The following CAPZB variants were observed in gnomAD, a reference collection of about 807,000 sequenced individuals.
CAPZB encodes F-actin-capping protein subunit beta.
CAPZB carries 2 observed loss-of-function variants against 38.1 expected under a neutral mutation model. That is an observed-to-expected ratio of 0.05 (90% confidence interval 0.02 to 0.17). The LOEUF (loss-of-function observed/expected upper bound fraction) is 0.17. CAPZB is among the 10% of genes least tolerant of loss of function. CAPZB has a pLI of 1.00. For synonymous variants in CAPZB, 107 were observed against 127.4 expected (o/e 0.84, Z 1.08); for missense variants, 161 against 334.2 (o/e 0.48, Z 4.04).
In CAPZB at chr1:19,380,061, C is replaced by T. The variant is rs191778815; in HGVS notation, c.216-1408G>A. On this transcript the variant is annotated intron_variant, in intron 3 of 8. Transcript: ENST00000264202. Reference sequence around the variant, plus strand: ...AACCCCAGTTTTAAAGAATTCTGCACGCAGACATCTTTCTTCTTGGTAAGT... The same window carrying T: ...AACCCCAGTTTTAAAGAATTCTGCATGCAGACATCTTTCTTCTTGGTAAGT... Among the ~76,000 whole-genome samples the T allele has an allele frequency of 1.1e-3, 175 of 152,320 alleles. 1 individual carries two copies. Among genetic ancestry groups the T allele is most frequent in the Middle Eastern group, 3.4e-3 (1 of 294 alleles).
intron 2 of CAPZB, among the ~76,000 whole-genome samples, chr1:19,397,922 C>T (rs1357734071): frequency 6.6e-6 from 1 of 152,132 alleles, no homozygotes; most frequent in East Asian, 1.9e-4. Flanking sequence ...ATCTGGGGGG[C>T]TCATGATCGC....
intron 1 of CAPZB, among the ~76,000 whole-genome samples, chr1:19,421,200 C>T (rs2094399846): frequency 6.6e-6 from 1 of 152,196 alleles, no homozygotes; most frequent in African/African-American, 2.4e-5. Flanking sequence ...CCTCAAAATG[C>T]CACATTTGGC....
At chr1:19,352,665 A>G (rs924060333) in intron 6 of CAPZB, among the ~76,000 whole-genome samples, 4 of 152,242 alleles carry the variant, frequency 2.6e-5, no homozygotes, top group African/African-American at 9.6e-5. Context: ...GCAGGAAGGT[A>G]TGATCCGGCC....
chr1:19,348,963 G>A (rs1225466742), intron 6 of CAPZB, among the ~76,000 whole-genome samples: 1 of 152,142 alleles, frequency 6.6e-6, no homozygotes, highest in African/African-American at 2.4e-5. Context: ...TCATCCTGAG[G>A]AATCTCGACC....
In CAPZB at chr1:19,343,896, G is replaced by A. The variant is rs192905590; in HGVS notation, c.731+462C>T. 1.1e-4 allele frequency among the ~76,000 whole-genome samples: 16 copies of A among 152,320 alleles called. No homozygotes were observed. The East Asian group carries it at 1.7e-3, about 17-fold the overall frequency. Reference sequence around the variant, plus strand: ...GCTGAGGGCCCTGCCTGCATGTGGCGTCAGGGAGGCTGGGGGCCTGAGAAG... The same window carrying A: ...GCTGAGGGCCCTGCCTGCATGTGGCATCAGGGAGGCTGGGGGCCTGAGAAG... On this transcript the variant is annotated intron_variant, in intron 8 of 8. Coordinates refer to ENST00000264202, the MANE Select transcript of CAPZB (RefSeq NM_004930.5).
intron 4 of CAPZB, among the ~76,000 whole-genome samples, chr1:19,373,978 C>T (rs917244292): frequency 6.6e-6 from 1 of 152,174 alleles, no homozygotes; most frequent in East Asian, 1.9e-4. Flanking sequence ...TCTTTTCAAG[C>T]AGGGCCTCAA....
intron 2 of CAPZB, among the ~76,000 whole-genome samples, chr1:19,395,625 T>C (rs1357932932): frequency 6.6e-6 from 1 of 152,216 alleles, no homozygotes; most frequent in African/African-American, 2.4e-5. Context: ...AGGCTCCTGT[T>C]GTCCACATGT....
chr1:19,481,199 A>G (rs1351774764), intron 1 of CAPZB, among the ~76,000 whole-genome samples: 1 of 152,212 alleles, frequency 6.6e-6, no homozygotes, highest in Non-Finnish European at 1.5e-5. Flanking sequence ...CTGGTGCTCC[A>G]TAACCATTAA....
At chr1:19,350,095 GC>G in intron 6 of CAPZB, among the ~76,000 whole-genome samples, 1 of 152,360 alleles carries the variant, frequency 6.6e-6, no homozygotes, top group Non-Finnish European at 1.5e-5. Flanking sequence ...CCTCCCCATG[GC>G]CCTAACACAG....
rs1357712344 is a variant in CAPZB at position 19,466,332 on chromosome 1, TG to T, written c.3+19103del. ...TTTGCACTAGACCAGGCTGCTTCCT[TG>T]GCTAATAAACAGTGAGAGCTGAAAC... On this transcript the variant is annotated intron_variant, in intron 1 of 8. Transcript: ENST00000264202. Among the ~76,000 whole-genome samples, 4 of 152,220 alleles carry T rather than the reference TG, an allele frequency of 2.6e-5. No individual in the cohort carries two copies. The South Asian group carries it at 8.3e-4, about 31-fold the overall frequency.
At chr1:19,363,151 C>T (rs1051011817) in intron 4 of CAPZB, among the ~76,000 whole-genome samples, 26 of 151,448 alleles carry the variant, frequency 1.7e-4, no homozygotes, top group African/African-American at 5.3e-4. Flanking sequence ...GTGCGATCAC[C>T]GCTCACTGCA....
chr1:19,471,567 C>G (rs952936685), intron 1 of CAPZB, among the ~76,000 whole-genome samples: 4 of 151,298 alleles, frequency 2.6e-5, no homozygotes, highest in African/African-American at 9.7e-5. Flanking sequence ...TCTGTTACGT[C>G]GAGAAATGCT....
In CAPZB at chr1:19,342,914, G is replaced by A. The variant is rs552451716; in HGVS notation, c.731+1444C>T. 3.0e-5 allele frequency: 34 copies of A among 1,144,292 alleles called. No homozygotes were observed. In the East Asian group the frequency reaches 6.1e-4, roughly 20 times the overall value. 70.9% of individuals were successfully genotyped at this position (1,144,292 alleles called of 1,614,324 possible). A position where few individuals can be genotyped will look rare whatever the true frequency, so the allele number is the denominator to read the frequency against. On this transcript the variant is annotated intron_variant, in intron 8 of 8. Transcript: ENST00000264202. ...GGAGTGGGAGGGAAGAGAACGACGAGAAGCCAGGAACGCAGGGGGCCACAG... is the reference window on the plus strand; with the variant it reads ...GGAGTGGGAGGGAAGAGAACGACGAAAAGCCAGGAACGCAGGGGGCCACAG...
At chr1:19,432,479 CA>C (rs746234782) in intron 1 of CAPZB, among the ~76,000 whole-genome samples, 31 of 152,138 alleles carry the variant, frequency 2.0e-4, no homozygotes, top group Non-Finnish European at 4.0e-4. Context: ...ATATATTGTC[CA>C]GATAATTTTA....
chr1:19,474,655 G>A (rs2094600804), intron 1 of CAPZB, among the ~76,000 whole-genome samples: 1 of 152,186 alleles, frequency 6.6e-6, no homozygotes, highest in East Asian at 1.9e-4. Flanking sequence ...AAACGGGTTA[G>A]TAGAAGCTGA....
At chr1:19,430,708 G>A (rs1031549200) in intron 1 of CAPZB, among the ~76,000 whole-genome samples, 2 of 152,212 alleles carry the variant, frequency 1.3e-5, no homozygotes, top group Admixed American at 6.5e-5. Context: ...GCTGGCGGCC[G>A]CCCACCCGCA....
chr1:19,469,491 T>C (rs2094579218), intron 1 of CAPZB, among the ~76,000 whole-genome samples: 1 of 152,122 alleles, frequency 6.6e-6, no homozygotes, highest in Non-Finnish European at 1.5e-5. Context: ...GAACACATTT[T>C]TGCAGGAAGG....
rs1236248353 is a variant in CAPZB at position 19,356,380 on chromosome 1, G to C, written c.588+255C>G. ...GAAGCATGGGGATGTGCGGGGCCCT[G>C]AGGGGTAAGGAGGAGCCACAGCCAG... On this transcript the variant is annotated intron_variant, in intron 6 of 8. Coordinates refer to ENST00000264202, the MANE Select transcript of CAPZB (RefSeq NM_004930.5). The surrounding 1 kb of genome is among the most constrained non-coding windows in gnomAD (Gnocchi z 4.3). Among the ~76,000 whole-genome samples, 1 of 152,218 alleles carries C rather than the reference G, an allele frequency of 6.6e-6. No homozygotes were observed. Among genetic ancestry groups the C allele is most frequent in the Non-Finnish European group, 1.5e-5 (1 of 68,042 alleles).
intron 1 of CAPZB, among the ~76,000 whole-genome samples, chr1:19,444,214 G>C (rs1434429696): frequency 6.6e-6 from 1 of 152,072 alleles, no homozygotes; most frequent in Non-Finnish European, 1.5e-5. Flanking sequence ...CAGCAGGAGT[G>C]TCTCCCATAG....
Sources: allele counts gnomAD v4.1 joint callset (sites outside exome capture counted in the v4.1 genomes callset), GRCh38; gene constraint gnomAD v4.1.1; non-coding constraint Gnocchi (gnomAD v3.1); transcripts MANE v1.5; gene names NCBI Gene and HGNC (gene_info 2026-07-23, HGNC 2026-07-21).